SRPK2: variants seen among roughly 807,000 people sequenced by gnomAD.
SRPK2 encodes the protein SFRS protein kinase 2.
Under a neutral mutation model 90.8 loss-of-function variants are expected in SRPK2, and 21 were observed. The observed-to-expected ratio is 0.23, with a 90% CI of 0.16 to 0.33. The LOEUF (loss-of-function observed/expected upper bound fraction) is 0.33, where lower values mean the gene tolerates loss of function less well. Among genes scored for constraint, SRPK2 ranks in the 10% least tolerant of loss-of-function variants. The pLI is 1.00. For synonymous variants in SRPK2, 288 were observed against 311.1 expected, an observed-to-expected ratio of 0.93 and a Z score of 0.78; for missense variants, 620 against 869.0, an observed-to-expected ratio of 0.71 and a Z score of 3.60.
intron 2 of SRPK2, among the ~76,000 whole-genome samples, chr7:105,381,186 C>T (rs1257053460): frequency 6.6e-6 from 1 of 151,750 alleles, no homozygotes; most frequent in African/African-American, 2.4e-5. Flanking sequence ...AGAGGTTACA[C>T]TGAGCCAAGA....
At chr7:105,379,156 A>AAT (rs56847291) in intron 2 of SRPK2, among the ~76,000 whole-genome samples, 171 of 150,430 alleles carry the variant, frequency 1.1e-3, no homozygotes, top group East Asian at 1.9e-3. Flanking sequence ...TCTAAAAAAA[A>AAT]ATATATATAT....
At chr7:105,273,161 G>A (rs556589866) in intron 2 of SRPK2, among the ~76,000 whole-genome samples, 2 of 151,854 alleles carry the variant, frequency 1.3e-5, no homozygotes, top group South Asian at 4.2e-4. Flanking sequence ...GTTGCAGTGA[G>A]CAGAGATCGC....
chr7:105,299,896 A>C (rs558152762), intron 2 of SRPK2, among the ~76,000 whole-genome samples: 39 of 152,210 alleles, frequency 2.6e-4, no homozygotes, highest in African/African-American at 8.9e-4. Context: ...TCCATCTCAA[A>C]AAAGAATACA....
chr7:105,265,052 T>C (rs150237045), intron 2 of SRPK2, among the ~76,000 whole-genome samples: 291 of 152,318 alleles, frequency 1.9e-3, no homozygotes, highest in South Asian at 3.1e-3. Flanking sequence ...CACAGGATTC[T>C]TCTGGGATGA....
chr7:105,160,448 A>C, intron 7 of SRPK2, 59 bp downstream of exon 7: 1 of 922,294 alleles, frequency 1.1e-6, no homozygotes, highest in Admixed American at 1.8e-5. Context: ...AACAGCATTC[A>C]TGTTGAAAGC....
intron 2 of SRPK2, among the ~76,000 whole-genome samples, chr7:105,225,070 C>T (rs1365667292): frequency 1.3e-5 from 2 of 152,082 alleles, no homozygotes; most frequent in East Asian, 1.9e-4. Flanking sequence ...CACATGACTG[C>T]AGTCACAGCT....
chr7:105,206,124 T>C (rs1796209370), intron 2 of SRPK2: 2 of 435,900 alleles, frequency 4.6e-6, no homozygotes, highest in Middle Eastern at 4.9e-4. Context: ...CCAGCCACTA[T>C]ATGTCAGTAG....
At chr7:105,342,266 G>T (rs1317753311) in intron 2 of SRPK2, among the ~76,000 whole-genome samples, 2 of 151,598 alleles carry the variant, frequency 1.3e-5, no homozygotes. Context: ...AGAGGTTGCG[G>T]TGAGCCGAGA....
Position 105,280,947 on chromosome 7 carries a change from C to CAAAAAAAAAAAAAAAAA in SRPK2, c.72-77179_72-77163dup, listed in dbSNP as rs1158350206. On this transcript the variant is annotated intron_variant, in intron 2 of 15. Transcript: ENST00000393651. ...GGGCGACAGAGCGAAGACTCCATCTCAAAAAAAAAAAAAAAAAAAAAAAAA... is the reference window on the plus strand; with the variant it reads ...GGGCGACAGAGCGAAGACTCCATCTCAAAAAAAAAAAAAAAAAAAAAAAAAAAAAAAAAAAAAAAAAA... Among the ~76,000 whole-genome samples the CAAAAAAAAAAAAAAAAA allele has an allele frequency of 4.6e-5, 2 of 43,326 alleles. 1 individual carries two copies. Among genetic ancestry groups the CAAAAAAAAAAAAAAAAA allele is most frequent in the Non-Finnish European group, 7.3e-5 (2 of 27,558 alleles). The allele number at this position is 43,326 out of a possible 152,430, so 28.4% of individuals were successfully genotyped here.
chr7:105,267,212 T>C (rs1222425102), intron 2 of SRPK2, among the ~76,000 whole-genome samples: 2 of 152,198 alleles, frequency 1.3e-5, no homozygotes, highest in African/African-American at 4.8e-5. Context: ...TTACAGAATG[T>C]ATTTTAACCA....
chr7:105,349,729 T>C (rs1351244184), intron 2 of SRPK2, among the ~76,000 whole-genome samples: 1 of 152,118 alleles, frequency 6.6e-6, no homozygotes. Context: ...AAAGTTACTA[T>C]TTATTGAACG....
At chr7:105,334,964 T>C (rs1814910783) in intron 2 of SRPK2, among the ~76,000 whole-genome samples, 1 of 149,404 alleles carries the variant, frequency 6.7e-6, no homozygotes, top group Admixed American at 6.7e-5. Context: ...AGGTCAGGAG[T>C]TCGATATCAG....
Position 105,369,520 on chromosome 7 carries a change from T to C in SRPK2, c.71+19128A>G, listed in dbSNP as rs543077742. On this transcript the variant is annotated intron_variant, in intron 2 of 15. Coordinates refer to ENST00000393651, the MANE Select transcript of SRPK2 (RefSeq NM_182692.3). ...CTGAAAAACATTGATCCAGGTGCTC[T>C]GTAAAGTCCAGGCCACTCCACACAT... is the stretch of plus-strand genomic sequence containing the variant. Among the ~76,000 whole-genome samples the C allele has an allele frequency of 1.4e-4, 21 of 152,286 alleles. No homozygotes were observed. In the South Asian group the frequency reaches 4.3e-3, roughly 32 times the overall value.
chr7:105,313,773 G>A (rs1315133855), intron 2 of SRPK2, among the ~76,000 whole-genome samples: 1 of 151,686 alleles, frequency 6.6e-6, no homozygotes, highest in Non-Finnish European at 1.5e-5. Flanking sequence ...GAGACATCAT[G>A]AACTGTTGGA....
At chr7:105,212,992 G>GA (rs1211613330) in intron 2 of SRPK2, among the ~76,000 whole-genome samples, 2 of 152,134 alleles carry the variant, frequency 1.3e-5, no homozygotes, top group Non-Finnish European at 2.9e-5. Flanking sequence ...AGACATAACT[G>GA]AAAGTATATA....
intron 2 of SRPK2, among the ~76,000 whole-genome samples, chr7:105,242,170 G>C (rs1052964234): frequency 6.6e-6 from 1 of 152,152 alleles, no homozygotes; most frequent in African/African-American, 2.4e-5. Context: ...AGAGCTCTAA[G>C]TTAATCTAAC....
chr7:105,312,350 G>T (rs1295355038), intron 2 of SRPK2, among the ~76,000 whole-genome samples: 1 of 135,500 alleles, frequency 7.4e-6, no homozygotes, highest in African/African-American at 2.7e-5. Context: ...TGAGACTGGA[G>T]AATCGTTTGA....
At chr7:105,134,625 A>T (rs549092652) in intron 11 of SRPK2, among the ~76,000 whole-genome samples, 1 of 152,344 alleles carries the variant, frequency 6.6e-6, no homozygotes, top group African/African-American at 2.4e-5. Context: ...GAGCTGTGAA[A>T]CCAGGGTGCT....
At chr7:105,120,158 CAT>C (rs758055453) in intron 15 of SRPK2, among the ~76,000 whole-genome samples, 6 of 152,200 alleles carry the variant, frequency 3.9e-5, no homozygotes, top group Non-Finnish European at 7.3e-5. Flanking sequence ...AGAAAGCTCA[CAT>C]GTGACTAAAC....
Sources: gnomAD v4.1 joint callset for allele counts (sites outside exome capture counted in the v4.1 genomes callset) on GRCh38, gnomAD v4.1.1 for gene constraint, MANE v1.5 for transcripts, NCBI Gene and HGNC (gene_info 2026-07-23, HGNC 2026-07-21) for gene names.